DSC1: variants seen among roughly 807,000 people sequenced by gnomAD.
DSC1 encodes desmocollin-1.
DSC1 carries 79 observed loss-of-function variants against 98.8 expected under a neutral mutation model. That is an observed-to-expected ratio of 0.80 (90% CI 0.67 to 0.96). The LOEUF (loss-of-function observed/expected upper bound fraction) is 0.96. DSC1 is among the 50% of genes least tolerant of loss of function. The probability of loss-of-function intolerance (pLI) is 0.00; values close to 1 mark genes in which losing one functional copy is unlikely to be tolerated. For synonymous variants in DSC1, 405 were observed against 372.1 expected (o/e 1.09, Z -1.02); for missense variants, 1,115 against 1,075.9 (o/e 1.04, Z -0.51).
At chr18:31,140,649 A>G (rs768689986) in intron 9 of DSC1, among the ~76,000 whole-genome samples, 2 of 152,236 alleles carry the variant, frequency 1.3e-5, no homozygotes, top group African/African-American at 2.4e-5. Flanking sequence ...GTGACAACTA[A>G]ATTGCCTCCA....
In DSC1 at chr18:31,148,519, C is replaced by T. The variant is rs1156412969; in HGVS notation, c.751G>A (p.Val251Met). 1 of 1,604,914 alleles carries T rather than the reference C, an allele frequency of 6.2e-7. No homozygotes were observed. The highest frequency in any genetic ancestry group is 1.7e-5 in the Admixed American group (1 of 59,762). ...YFEHRVTIFT[V>M]PENCRSGTSV... ...TTACCGGATCGGCAATTTTCAGGCA[C>T]AGTAAAGATAGTCACTCTGTGTTCA... Residue 251 changes from valine (V) to methionine (M), a missense_variant, in exon 6 of 16, where the codon GTG (valine) becomes ATG (methionine). Coordinates refer to ENST00000257198, the MANE Select transcript of DSC1 (RefSeq NM_024421.2).
At position 31,130,510 on chromosome 18, in the gene DSC1, A is replaced by G. The variant is rs781254875; in HGVS notation, c.*4T>C. The G allele has an allele frequency of 1.2e-6, 2 of 1,614,052 alleles. No individual in the cohort carries two copies. Reference sequence around the variant, plus strand: ...TGTGGATATTACACTATTAAAAGGCACATTTATTTCTTGATGCATGTCTTT... The same window carrying G: ...TGTGGATATTACACTATTAAAAGGCGCATTTATTTCTTGATGCATGTCTTT... On this transcript the variant is annotated 3_prime_UTR_variant, in exon 16 of 16. Coordinates refer to ENST00000257198, the MANE Select transcript of DSC1 (RefSeq NM_024421.2).
chr18:31,151,995 C>T (rs934550684), intron 5 of DSC1, among the ~76,000 whole-genome samples: 1 of 152,020 alleles, frequency 6.6e-6, no homozygotes, highest in African/African-American at 2.4e-5. Context: ...AACCCTGTCT[C>T]TACGAAAAAT....
chr18:31,147,057 T>C (rs1193633368), intron 6 of DSC1, among the ~76,000 whole-genome samples: 8 of 152,176 alleles, frequency 5.3e-5, no homozygotes, highest in Non-Finnish European at 1.0e-4. Context: ...ATAACAACTG[T>C]TCTTGCAACA....
At chr18:31,132,128 G>A in intron 14 of DSC1, 1 of 443,650 alleles carries the variant, frequency 2.3e-6, no homozygotes, top group Non-Finnish European at 4.1e-6. Context: ...GGGTCCCTAA[G>A]CGAATATAAT....
chr18:31,158,110 T>A (rs918499824), intron 2 of DSC1, among the ~76,000 whole-genome samples: 5 of 152,052 alleles, frequency 3.3e-5, no homozygotes, highest in African/African-American at 1.2e-4. Context: ...CTACTAAAAA[T>A]ACAAAAATTA....
At chr18:31,146,105 G>A (rs773312779) in intron 6 of DSC1, among the ~76,000 whole-genome samples, 2 of 152,114 alleles carry the variant, frequency 1.3e-5, no homozygotes, top group Non-Finnish European at 2.9e-5. Flanking sequence ...TTTAATTTTA[G>A]ATTTGGGGGT....
chr18:31,130,893 A>G, intron 15 of DSC1, 182 bp from the exon 16 acceptor site: 2 of 1,497,592 alleles, frequency 1.3e-6, no homozygotes, highest in Non-Finnish European at 1.8e-6. Context: ...CTTAAAATAT[A>G]GCAAATAAAT....
In DSC1 at chr18:31,148,623, G is replaced by A. The variant is rs1330759086; in HGVS notation, c.647C>T (p.Thr216Ile). 3.8e-6 allele frequency: 6 copies of A among 1,596,950 alleles called. No individual in the cohort carries two copies. Among genetic ancestry groups the A allele is most frequent in the South Asian group, 3.4e-5 (3 of 88,758 alleles). Reference protein sequence around the residue: ...EQFALYGYATTADGYAPEYPL... With the variant: ...EQFALYGYATIADGYAPEYPL... ...ATATTCTGGTGCATAGCCATCTGCA[G>A]TTGTTGCATAGCCATATAACTGAAA... Residue 216 changes from threonine to isoleucine, a missense_variant, in exon 6 of 16, where the codon ACT (threonine) becomes ATT (isoleucine). Thr to Ile is a moderately conservative substitution (Grantham distance 89). Coordinates refer to ENST00000257198, the MANE Select transcript of DSC1 (RefSeq NM_024421.2).
intron 1 of DSC1, among the ~76,000 whole-genome samples, chr18:31,160,807 AACACATACATATACATATGT>A (rs1237856888): frequency 2.6e-5 from 4 of 152,150 alleles, no homozygotes; most frequent in Non-Finnish European, 4.4e-5. Context: ...GCTATGCATA[AACACATACATATACATATGT>A]ACACATACAT....
chr18:31,161,258 G>A (rs996472295), intron 1 of DSC1, among the ~76,000 whole-genome samples: 2 of 151,862 alleles, frequency 1.3e-5, no homozygotes, highest in East Asian at 1.9e-4. Context: ...CTATACAGAC[G>A]AGCTCCATTA....
chr18:31,145,694 G>A lies in DSC1; in HGVS notation c.856C>T (p.Gln286Ter). The A allele has an allele frequency of 1.2e-6, 2 of 1,614,238 alleles. No homozygotes were observed. The highest frequency in any genetic ancestry group is 1.7e-6 in the Non-Finnish European group (2 of 1,180,048). Residue 286 changes from glutamine (Q) to a stop codon, truncating the protein, a stop_gained, in exon 7 of 16, where the codon CAA becomes TAA. Transcript: ENST00000257198. LOFTEE classifies it high-confidence loss of function. ...AAATGCTTTGGATGATCTGGGATTT[G>A]TTGTAAGATTTTATATTTCAGACGA... ...HTRLKYKILQ[Q>*]IPDHPKHFSI...
In DSC1 at chr18:31,157,381, C is replaced by A; in HGVS notation, c.341G>T (p.Arg114Ile). The change falls in exon 3 of 16, where the codon AGA becomes ATA. Residue 114 changes from arginine to isoleucine, a missense_variant. Arg to Ile is a moderately conservative substitution (Grantham distance 97, BLOSUM62 -3). Transcript: ENST00000257198. Reference sequence around the variant, plus strand: ...GCCCTTGCCTTATACCTTGTTTTCTCTTGCTGACAGTACAACTTTTATCTC... The same window carrying A: ...GCCCTTGCCTTATACCTTGTTTTCTATTGCTGACAGTACAACTTTTATCTC... ...QQEIKVVLSA[R>I]ENKSPKKRHT... 1 of 1,614,114 alleles carries A rather than the reference C, an allele frequency of 6.2e-7. No individual in the cohort carries two copies. Among genetic ancestry groups the A allele is most frequent in the Non-Finnish European group, 8.5e-7 (1 of 1,180,018 alleles).
chr18:31,150,372 C>G (rs1338924398), intron 5 of DSC1, among the ~76,000 whole-genome samples: 1 of 89,946 alleles, frequency 1.1e-5, no homozygotes, highest in Non-Finnish European at 2.4e-5. Context: ...ATCACCACCA[C>G]CATCATCACC....
In DSC1 at chr18:31,140,206, T is replaced by C; in HGVS notation, c.1356A>G (p.Thr452=). 5 of 1,614,044 alleles carry C rather than the reference T, an allele frequency of 3.1e-6. No individual in the cohort carries two copies. Among genetic ancestry groups the C allele is most frequent in the Non-Finnish European group, 4.2e-6 (5 of 1,179,934 alleles). ...TAACGGTGACAGTTGTAGTGCACAT[T>C]GTAGGAGTTTGTGAGCTCGCTGCTT... is the stretch of plus-strand genomic sequence containing the variant. The part of the protein sequence containing the change: ...FSKAASSQTP[T]MCTTTVTVKI... Residue 452 remains threonine, a synonymous_variant, in exon 10 of 16, where the codon ACA becomes ACG. Transcript: ENST00000257198.
rs756699190 is a variant in DSC1, at chr18:31,134,708, T to G, written c.1740A>C (p.Glu580Asp). ...YNDHAPQIDK[E>D]VTICQNNEDF... ...CCTCATTATTCTGACAAATGGTCAC[T>G]TCTTTGTCAATTTGAGGTGCGTGAT... The change falls in exon 12 of 16, where the codon GAA (glutamate) becomes GAC (aspartate). Residue 580 changes from glutamate to aspartate, a missense_variant. Physicochemically the swap from Glu to Asp is conservative, Grantham distance 45. Coordinates refer to ENST00000257198, the MANE Select transcript of DSC1 (RefSeq NM_024421.2). 1 of 1,613,270 alleles carries G rather than the reference T, an allele frequency of 6.2e-7. No individual in the cohort carries two copies.
intron 15 of DSC1, chr18:31,131,348 T>C: frequency 1.9e-6 from 1 of 513,088 alleles, no homozygotes; most frequent in Non-Finnish European, 3.4e-6. Context: ...ATGAACCTTT[T>C]ATCCTTTGTA....
chr18:31,151,431 A>G (rs545977151), intron 5 of DSC1, among the ~76,000 whole-genome samples: 1 of 152,332 alleles, frequency 6.6e-6, no homozygotes, highest in South Asian at 2.1e-4. Context: ...AAAAAACTCA[A>G]TAGAGGTAAT....
intron 11 of DSC1, among the ~76,000 whole-genome samples, chr18:31,139,368 A>G (rs150446100): frequency 1.3e-3 from 201 of 152,282 alleles, no homozygotes; most frequent in Non-Finnish European, 2.3e-3. Flanking sequence ...GAACCCTTTC[A>G]GCAAGCTCAA....
Sources: gnomAD v4.1 joint callset for allele counts (sites outside exome capture counted in the v4.1 genomes callset) on GRCh38, gnomAD v4.1.1 for gene constraint, MANE v1.5 for transcripts, NCBI Gene and HGNC (gene_info 2026-07-23, HGNC 2026-07-21) for gene names.